Variants in GBP5 observed in about 807,000 individuals in gnomAD.
The protein encoded by GBP5 is guanylate binding protein 5.
GBP5 carries 48 observed loss-of-function variants against 58.2 expected under a neutral mutation model. The ratio of observed to expected loss-of-function variants is 0.83; its 90% CI spans 0.65 to 1.05. The LOEUF is 1.05. Among genes scored for constraint, GBP5 ranks in the 50% least tolerant of loss-of-function variants. The pLI is 0.00. For missense variants in GBP5, 714 were observed against 686.8 expected (o/e 1.04, Z -0.44); for synonymous variants, 248 against 251.8 (o/e 0.98, Z 0.14).
At chr1:89,268,487 T>C (rs1029232471) in intron 4 of GBP5, among the ~76,000 whole-genome samples, 3 of 152,154 alleles carry the variant, frequency 2.0e-5, no homozygotes, top group African/African-American at 7.2e-5. Flanking sequence ...ATGCATCATG[T>C]TTATGCATTT....
chr1:89,267,338 C>A, intron 5 of GBP5, 79 bp downstream of exon 5: 1 of 1,109,686 alleles, frequency 9.0e-7, no homozygotes, highest in Non-Finnish European at 1.4e-6. Context: ...TTGTGATTCA[C>A]AAGGTCTCAC....
chr1:89,265,008 G>T (rs765692797), intron 7 of GBP5, 42 bp from the exon 8 acceptor site: 19 of 1,552,354 alleles, frequency 1.2e-5, no homozygotes, highest in Admixed American at 3.5e-5. Flanking sequence ...TGCAAAGGAA[G>T]AAGACATGAT....
In GBP5 at chr1:89,267,470, G is replaced by A. The variant is rs146302510; in HGVS notation, c.375C>T (p.Thr125=). ...TTTTGTTCACAGTATTGTACACAAA[G>A]GTGCTGCTCAGTAAGAGTGCCAGTG... ...IFALALLLSS[T]FVYNTVNKID... The change falls in exon 5 of 12, where the codon ACC becomes ACT. Residue 125 remains threonine (T), a synonymous_variant. Transcript: ENST00000370459. 7.4e-6 allele frequency: 12 copies of A among 1,613,888 alleles called. No homozygotes were observed. The African/African-American group carries it at 1.5e-4, about 20-fold the overall frequency.
chr1:89,267,607 T>A, intron 4 of GBP5, 81 bp from the exon 5 acceptor site: 1 of 805,744 alleles, frequency 1.2e-6, no homozygotes, highest in Non-Finnish European at 2.2e-6. Context: ...TTGTCATAAA[T>A]GTTTAACAAG....
intron 10 of GBP5, 69 bp from the exon 11 acceptor site, chr1:89,262,470 T>C: frequency 1.4e-6 from 2 of 1,400,096 alleles, no homozygotes; most frequent in Non-Finnish European, 2.0e-6. Flanking sequence ...CTTTTGTTTG[T>C]GATTGTTCCA....
At chr1:89,262,984 TTGTGGA>T in intron 9 of GBP5, 199 bp from the exon 10 acceptor site, 10 of 423,624 alleles carry the variant, frequency 2.4e-5, no homozygotes, top group South Asian at 1.5e-4. Context: ...CTGGAGAGGC[TTGTGGA>T]ACACCTGCTC....
chr1:89,261,988 T>C, intron 11 of GBP5: 1 of 538,390 alleles, frequency 1.9e-6, no homozygotes, highest in East Asian at 3.0e-5. Flanking sequence ...CCCTATAACA[T>C]AGATATCATC....
In GBP5 at chr1:89,264,945, G is replaced by C; in HGVS notation, c.890C>G (p.Thr297Ser). ...CCCACTGCTGATGGCATTGACATAG[G>C]TCAGCACCAGGTTCTTTAGACCTTC... ...NGSRLKNLVL[T>S]YVNAISSGDL... Residue 297 changes from threonine (T) to serine (S), a missense_variant, in exon 8 of 12, where the codon ACC (threonine) becomes AGC (serine). Thr to Ser is a moderately conservative substitution (Grantham distance 58). Transcript: ENST00000370459. 1.9e-6 allele frequency: 3 copies of C among 1,613,458 alleles called. No individual in the cohort carries two copies. Among genetic ancestry groups the C allele is most frequent in the Non-Finnish European group, 2.5e-6 (3 of 1,179,400 alleles).
Position 89,268,933 on chromosome 1 carries a change from T to C in GBP5, c.191-77A>G. Reference sequence around the variant, plus strand: ...GATTTGCTTGATCATTCAGCTAGAGTTTAAGGAAAGCAAGATGAGGAGATA... The same window carrying C: ...GATTTGCTTGATCATTCAGCTAGAGCTTAAGGAAAGCAAGATGAGGAGATA... On this transcript the variant is annotated intron_variant, in intron 3 of 11. Transcript: ENST00000370459. The C allele has an allele frequency of 2.7e-6, 4 of 1,479,898 alleles. No homozygotes were observed. In the South Asian group the frequency reaches 3.5e-5, roughly 13 times the overall value. 91.7% of individuals were successfully genotyped at this position (1,479,898 alleles called of 1,614,324 possible).
intron 6 of GBP5, 60 bp from the exon 7 acceptor site, chr1:89,266,648 A>G: frequency 4.1e-6 from 6 of 1,447,138 alleles, no homozygotes; most frequent in Non-Finnish European, 5.7e-6. Context: ...TCATTTATTT[A>G]CCTTGAATAA....
Position 89,263,806 on chromosome 1 carries a change from T to A in GBP5, c.1292A>T (p.His431Leu), listed in dbSNP as rs138753771. 6 of 1,613,738 alleles carry A rather than the reference T, an allele frequency of 3.7e-6. No individual in the cohort carries two copies. In the African/African-American group the frequency reaches 8.0e-5, roughly 22 times the overall value. ...TTCTGTTTTCTGAATGAAGAGATTA[T>A]GGCCTCCTGGCTTAGAATAAATTCC... Reference protein sequence around the residue: ...KQGIYSKPGGHNLFIQKTEEL... With the variant: ...KQGIYSKPGGLNLFIQKTEEL... The change falls in exon 9 of 12, where the codon CAT becomes CTT. Residue 431 changes from histidine (H) to leucine (L), a missense_variant. His to Leu is a moderately conservative substitution (Grantham distance 99, BLOSUM62 -3). Transcript: ENST00000370459.
In GBP5 at chr1:89,269,424, C is replaced by G; in HGVS notation, c.132G>C (p.Val44=). The G allele has an allele frequency of 6.2e-7, 1 of 1,614,086 alleles. No individual in the cohort carries two copies. The highest frequency in any genetic ancestry group is 1.1e-5 in the South Asian group (1 of 91,080). The change falls in exon 3 of 12, where the codon GTG becomes GTC. Residue 44 remains valine (V), a synonymous_variant. Coordinates refer to ENST00000370459, the MANE Select transcript of GBP5 (RefSeq NM_052942.5). ...AGGATTTGCCAGTGCGATAGAGGCC[C>G]ACAATCGCTACCACAACTACAGGTT... ...ITQPVVVVAI[V]GLYRTGKSYL...
rs1368498655 is a variant in GBP5 at position 89,267,038 on chromosome 1, C to A, written c.544G>T (p.Asp182Tyr). The change falls in exon 6 of 12, where the codon GAT (aspartate) becomes TAT (tyrosine). Residue 182 changes from aspartate to tyrosine, a missense_variant. Physicochemically the swap from Asp to Tyr is radical, Grantham distance 160 (BLOSUM62 -3). Coordinates refer to ENST00000370459, the MANE Select transcript of GBP5 (RefSeq NM_052942.5). ...TCTATTTCCAGGCCTAAGCAGAAATCTCTCAGAGTCCACACTAAGTCTGGG... is the reference window on the plus strand; with the variant it reads ...TCTATTTCCAGGCCTAAGCAGAAATATCTCAGAGTCCACACTAAGTCTGGG... ...FFPDLVWTLR[D>Y]FCLGLEIDGQ... 1.2e-6 allele frequency: 2 copies of A among 1,612,472 alleles called. No homozygotes were observed. The highest frequency in any genetic ancestry group is 1.7e-5 in the Admixed American group (1 of 59,428).
Position 89,256,507 on chromosome 1 carries a change from C to T in GBP5, c.*4197G>A, listed in dbSNP as rs1393923832. ...TTGTACATTTTATGTTTTTTGTACT[C>T]TTCAGTATGTGTCACATTTAATAAT... is the stretch of plus-strand genomic sequence containing the variant. On this transcript the variant is annotated 3_prime_UTR_variant, in exon 12 of 12. Transcript: ENST00000370459. Among the ~76,000 whole-genome samples the T allele has an allele frequency of 6.6e-6, 1 of 152,038 alleles. No homozygotes were observed. The highest frequency in any genetic ancestry group is 1.5e-5 in the Non-Finnish European group (1 of 67,990).
chr1:89,258,358 C>G lies in GBP5; in HGVS notation c.*2346G>C, dbSNP rs928808358. ...TCTTTAAGATGGGTAATAAAGATATCAATATTTAATTTGGAGATAGAGCTA... is the reference window on the plus strand; with the variant it reads ...TCTTTAAGATGGGTAATAAAGATATGAATATTTAATTTGGAGATAGAGCTA... On this transcript the variant is annotated 3_prime_UTR_variant, in exon 12 of 12. Coordinates refer to ENST00000370459, the MANE Select transcript of GBP5 (RefSeq NM_052942.5). Among the ~76,000 whole-genome samples the G allele has an allele frequency of 5.9e-5, 9 of 152,060 alleles. 1 individual carries two copies. The highest frequency in any genetic ancestry group is 2.2e-4 in the African/African-American group (9 of 41,390).
rs745422793 is a variant in GBP5, at chr1:89,262,209, T to C, written c.1647+11A>G. On this transcript the variant is annotated intron_variant, in intron 11 of 11. Coordinates refer to ENST00000370459, the MANE Select transcript of GBP5 (RefSeq NM_052942.5). ...TACAGGCAGGGGAGAGATGAAACAA[T>C]TGATGAATACCTGCATCTGTTGTTC... 33 of 1,613,216 alleles carry C rather than the reference T, an allele frequency of 2.0e-5. No individual in the cohort carries two copies. Among genetic ancestry groups the C allele is most frequent in the Middle Eastern group, 1.6e-4 (1 of 6,076 alleles).
rs923622738 is a variant in GBP5, at chr1:89,260,397, T to C, written c.*307A>G. The stretch of plus-strand genomic sequence containing the variant: ...CTTATGAGAAATTAGACAGATGACA[T>C]TGAGATGCAAGGAAAGCATCTCCTG... On this transcript the variant is annotated 3_prime_UTR_variant, in exon 12 of 12. Coordinates refer to ENST00000370459, the MANE Select transcript of GBP5 (RefSeq NM_052942.5). 4 of 152,996 alleles carry C rather than the reference T, an allele frequency of 2.6e-5. No individual in the cohort carries two copies. Among genetic ancestry groups the C allele is most frequent in the East Asian group, 1.3e-4 (1 of 7,618 alleles). 9.5% of individuals were successfully genotyped at this position (152,996 alleles called of 1,614,324 possible). A position where few individuals can be genotyped will look rare whatever the true frequency, so the allele number is the denominator to read the frequency against.
rs1292439699 is a variant in GBP5, at chr1:89,263,825, A to G, written c.1273T>C (p.Tyr425His). 6.2e-7 allele frequency: 1 copy of G among 1,613,684 alleles called. No individual in the cohort carries two copies. Among genetic ancestry groups the G allele is most frequent in the South Asian group, 1.1e-5 (1 of 91,060 alleles). The change falls in exon 9 of 12, where the codon TAT (tyrosine) becomes CAT (histidine). Residue 425 changes from tyrosine (Y) to histidine (H), a missense_variant. Tyr to His is a moderately conservative substitution (Grantham distance 83). Coordinates refer to ENST00000370459, the MANE Select transcript of GBP5 (RefSeq NM_052942.5). ...AGATTATGGCCTCCTGGCTTAGAAT[A>G]AATTCCCTGCTTCACTGCTTCTTCT... Reference protein sequence around the residue: ...PLEEAVKQGIYSKPGGHNLFI... With the variant: ...PLEEAVKQGIHSKPGGHNLFI...
Position 89,263,762 on chromosome 1 carries a change from A to G in GBP5, c.1336T>C (p.Tyr446His). Residue 446 changes from tyrosine (Y) to histidine (H), a missense_variant, in exon 9 of 12, where the codon TAT becomes CAT. Physicochemically the swap from Tyr to His is moderately conservative, Grantham distance 83. Transcript: ENST00000370459. ...QKTEELKAKY[Y>H]REPRKGIQAE... is the part of the protein sequence containing the mutation. ...TGTATTCCTTTCCGAGGCTCCCGATAGTACTTTGCCTTCAGTTCTTCTGTT... is the reference window on the plus strand; with the variant it reads ...TGTATTCCTTTCCGAGGCTCCCGATGGTACTTTGCCTTCAGTTCTTCTGTT... 1 of 1,613,490 alleles carries G rather than the reference A, an allele frequency of 6.2e-7. No homozygotes were observed. Among genetic ancestry groups the G allele is most frequent in the African/African-American group, 1.3e-5 (1 of 74,978 alleles).
Sources: gnomAD v4.1 joint callset for allele counts (sites outside exome capture counted in the v4.1 genomes callset) on GRCh38, gnomAD v4.1.1 for gene constraint, MANE v1.5 for transcripts, NCBI Gene and HGNC (gene_info 2026-07-23, HGNC 2026-07-21) for gene names.